MGAT4C: variants seen among roughly 807,000 people sequenced by gnomAD.
MGAT4C encodes MGAT4 family member C.
MGAT4C carries 19 observed loss-of-function variants against 40.1 expected under a neutral mutation model. The observed-to-expected ratio is 0.47, with a 90% CI of 0.33 to 0.70. The LOEUF is 0.70. Among genes scored for constraint, MGAT4C ranks in the 30% least tolerant of loss-of-function variants. The pLI, the probability that MGAT4C is intolerant of heterozygous loss-of-function variation, is 0.02. For missense variants in MGAT4C, 491 were observed against 563.2 expected, an observed-to-expected ratio of 0.87 and a Z score of 1.30; for synonymous variants, 181 against 187.1, an observed-to-expected ratio of 0.97 and a Z score of 0.27.
At chr12:86,828,696 A>G (rs1207856429) in intron 1 of MGAT4C, among the ~76,000 whole-genome samples, 1 of 151,570 alleles carries the variant, frequency 6.6e-6, no homozygotes, top group Non-Finnish European at 1.5e-5. Flanking sequence ...TATTGGGCAA[A>G]GAAATGATGC....
At chr12:86,811,340 T>A (rs1952469318) in intron 1 of MGAT4C, among the ~76,000 whole-genome samples, 1 of 142,544 alleles carries the variant, frequency 7.0e-6, no homozygotes, top group Admixed American at 7.1e-5. Context: ...CATAGTATTT[T>A]TTTTTTTTTT....
At chr12:86,243,483 G>T (rs1951876760) in intron 1 of MGAT4C, among the ~76,000 whole-genome samples, 4 of 152,134 alleles carry the variant, frequency 2.6e-5, no homozygotes, top group Admixed American at 2.0e-4. Flanking sequence ...AAAGGTGATG[G>T]GTCGCTCCCA....
chr12:86,801,065 G>A (rs938291013), intron 1 of MGAT4C, among the ~76,000 whole-genome samples: 1 of 151,852 alleles, frequency 6.6e-6, no homozygotes, highest in African/African-American at 2.4e-5. Flanking sequence ...GATATTTTCT[G>A]TTTCTCATTC....
chr12:86,287,493 T>C (rs1235965413), intron 4 of MGAT4C, among the ~76,000 whole-genome samples: 1 of 152,168 alleles, frequency 6.6e-6, no homozygotes, highest in East Asian at 1.9e-4. Context: ...CTCCTAATGC[T>C]ATCCCTCCGT....
intron 4 of MGAT4C, among the ~76,000 whole-genome samples, chr12:86,279,848 T>A (rs1435583015): frequency 6.6e-6 from 1 of 152,030 alleles, no homozygotes; most frequent in Non-Finnish European, 1.5e-5. Context: ...CCCATTGTCA[T>A]TTGTTTCAAG....
chr12:86,616,119 C>A (rs1472453048), intron 2 of MGAT4C, among the ~76,000 whole-genome samples: 1 of 152,022 alleles, frequency 6.6e-6, no homozygotes, highest in African/African-American at 2.4e-5. Flanking sequence ...GTTCTGCAAC[C>A]AGTATTCATT....
intron 3 of MGAT4C, among the ~76,000 whole-genome samples, chr12:86,408,758 G>T (rs189968694): frequency 6.6e-6 from 1 of 151,516 alleles, no homozygotes; most frequent in Admixed American, 6.6e-5. Context: ...TGAATAGATT[G>T]ATCTCATTAT....
chr12:86,068,365 T>C (rs1201669105), intron 1 of MGAT4C: 7 of 152,002 alleles, frequency 4.6e-5, no homozygotes, highest in Admixed American at 4.6e-4. Flanking sequence ...TTGATATTAG[T>C]TTGTTTTTCA....
intron 2 of MGAT4C, among the ~76,000 whole-genome samples, chr12:86,651,196 C>A (rs1439742832): frequency 6.6e-6 from 1 of 151,770 alleles, no homozygotes; most frequent in African/African-American, 2.4e-5. Flanking sequence ...TCCATTTATA[C>A]TACTGTGATC....
intron 1 of MGAT4C, among the ~76,000 whole-genome samples, chr12:86,827,046 A>G (rs1014454058): frequency 3.2e-4 from 49 of 151,414 alleles, no homozygotes; most frequent in Non-Finnish European, 4.4e-4. Context: ...TAATAGACAC[A>G]CAGAAAAATT....
chr12:86,170,678 C>T (rs1225311330), intron 1 of MGAT4C, among the ~76,000 whole-genome samples: 1 of 152,092 alleles, frequency 6.6e-6, no homozygotes, highest in Admixed American at 6.6e-5. Flanking sequence ...ATAGGTTGGG[C>T]ACAGTGGCTC....
chr12:86,605,128 G>C (rs1289660129), intron 2 of MGAT4C, among the ~76,000 whole-genome samples: 1 of 151,982 alleles, frequency 6.6e-6, no homozygotes, highest in Non-Finnish European at 1.5e-5. Context: ...ATCCTCACAG[G>C]GTGTGGTCTC....
At chr12:86,664,580 T>C (rs1216827869) in intron 2 of MGAT4C, among the ~76,000 whole-genome samples, 4 of 152,156 alleles carry the variant, frequency 2.6e-5, no homozygotes, top group South Asian at 2.1e-4. Flanking sequence ...TTAAGAATGC[T>C]ATATTGATTT....
chr12:86,432,402 T>C (rs778401730), intron 3 of MGAT4C, among the ~76,000 whole-genome samples: 4 of 151,906 alleles, frequency 2.6e-5, no homozygotes, highest in Non-Finnish European at 5.9e-5. Flanking sequence ...GTGTAGTAAA[T>C]ATAAAGAGGT....
chr12:86,601,623 G>A (rs922365870), intron 2 of MGAT4C, among the ~76,000 whole-genome samples: 2 of 152,114 alleles, frequency 1.3e-5, no homozygotes, highest in Non-Finnish European at 2.9e-5. Context: ...CCCAGACTGC[G>A]GGAGCGAAAG....
At chr12:86,108,759 C>G (rs1168139842) in intron 1 of MGAT4C, among the ~76,000 whole-genome samples, 1 of 152,074 alleles carries the variant, frequency 6.6e-6, no homozygotes, top group Non-Finnish European at 1.5e-5. Context: ...AAAATGCATG[C>G]CTCAGGACCA....
chr12:86,718,936 T>A (rs2136641653), intron 2 of MGAT4C, among the ~76,000 whole-genome samples: 2 of 152,174 alleles, frequency 1.3e-5, no homozygotes, highest in Middle Eastern at 6.8e-3. Flanking sequence ...CACGGTGGCC[T>A]TAGGGTACCT....
intron 1 of MGAT4C, among the ~76,000 whole-genome samples, chr12:86,146,483 G>C (rs1462216622): frequency 6.6e-6 from 1 of 152,096 alleles, no homozygotes; most frequent in African/African-American, 2.4e-5. Context: ...AGAATTGGAA[G>C]TTAATTTTAA....
In MGAT4C at chr12:86,052,417, C is replaced by T. The variant is rs993723969; in HGVS notation, c.-56-2694G>A. Reference sequence around the variant, plus strand: ...TACATTAATATATATTTTGAATACACATTCAATAAATTTCTAATTTTGAGA... The same window carrying T: ...TACATTAATATATATTTTGAATACATATTCAATAAATTTCTAATTTTGAGA... On this transcript the variant is annotated intron_variant, in intron 1 of 4. Coordinates refer to ENST00000611864, the MANE Select transcript of MGAT4C (RefSeq NM_001351288.2). 2.0e-5 allele frequency among the ~76,000 whole-genome samples: 3 copies of T among 151,852 alleles called. No individual in the cohort carries two copies. In the South Asian group the frequency reaches 6.2e-4, roughly 31 times the overall value.
Sources: gnomAD v4.1 joint callset for allele counts (sites outside exome capture counted in the v4.1 genomes callset) on GRCh38, gnomAD v4.1.1 for gene constraint, MANE v1.5 for transcripts, NCBI Gene and HGNC (gene_info 2026-07-23, HGNC 2026-07-21) for gene names.